FNIP1: variants seen among roughly 807,000 people sequenced by gnomAD.
The protein encoded by FNIP1 is folliculin-interacting protein 1.
FNIP1 carries 40 observed loss-of-function variants against 124.5 expected under a neutral mutation model. That is an observed-to-expected ratio of 0.32 (90% CI 0.25 to 0.42). FNIP1 has a LOEUF of 0.42. FNIP1 is among the 10% of genes least tolerant of loss of function. The pLI is 1.00. For missense variants in FNIP1, 1,176 were observed against 1,403.7 expected (o/e 0.84, Z 2.59); for synonymous variants, 472 against 470.6 (o/e 1.00, Z -0.04).
intron 3 of FNIP1, among the ~76,000 whole-genome samples, chr5:131,720,772 G>A (rs1769629911): frequency 6.6e-6 from 1 of 152,176 alleles, no homozygotes; most frequent in South Asian, 2.1e-4. Context: ...TCTAATCAGA[G>A]AAATGTAAAT....
At chr5:131,715,355 G>A (rs1454891703) in intron 6 of FNIP1, among the ~76,000 whole-genome samples, 4 of 152,164 alleles carry the variant, frequency 2.6e-5, no homozygotes, top group South Asian at 2.1e-4. Flanking sequence ...GTGTGATGGC[G>A]CGTGCCTGCA....
intron 10 of FNIP1, among the ~76,000 whole-genome samples, chr5:131,701,871 A>AT (rs1315108350): frequency 5.3e-5 from 8 of 152,150 alleles, no homozygotes; most frequent in Non-Finnish European, 1.0e-4. Flanking sequence ...AGCACGCTAC[A>AT]TTTTTTGTCA....
intron 11 of FNIP1, among the ~76,000 whole-genome samples, chr5:131,696,076 T>C (rs1047362109): frequency 2.6e-5 from 4 of 152,168 alleles, no homozygotes; most frequent in Non-Finnish European, 5.9e-5. Flanking sequence ...TCAAAGAAAT[T>C]GTCATCTCAA....
intron 10 of FNIP1, among the ~76,000 whole-genome samples, chr5:131,703,708 G>A (rs554209613): frequency 1.3e-4 from 20 of 152,192 alleles, no homozygotes; most frequent in Non-Finnish European, 7.4e-5. Flanking sequence ...CTTATATACC[G>A]TTCTCCGTTT....
At chr5:131,718,486 C>T (rs184607701) in intron 5 of FNIP1, among the ~76,000 whole-genome samples, 8 of 152,344 alleles carry the variant, frequency 5.3e-5, no homozygotes, top group African/African-American at 1.9e-4. Context: ...GCACATGGCC[C>T]ATGATCCTGA....
rs1182367992 is a variant in FNIP1, at chr5:131,647,263, T to C, written c.3307-58A>G. 9.8e-6 allele frequency: 12 copies of C among 1,221,178 alleles called. No individual in the cohort carries two copies. In the East Asian group the frequency reaches 1.2e-4, roughly 12 times the overall value. 75.6% of individuals were successfully genotyped at this position (1,221,178 alleles called of 1,614,324 possible). A position where few individuals can be genotyped will look rare whatever the true frequency, so the allele number is the denominator to read the frequency against. On this transcript the variant is annotated intron_variant, in intron 16 of 17. Transcript: ENST00000510461. ...GAAAACAGTTTGCAACTCTCAGTCATGGCAAACTCCAAAACATAATGTTTT... is the reference window on the plus strand; with the variant it reads ...GAAAACAGTTTGCAACTCTCAGTCACGGCAAACTCCAAAACATAATGTTTT...
Position 131,672,179 on chromosome 5 carries a change from A to C in FNIP1, c.2265T>G (p.Ile755Met). 1.9e-6 allele frequency: 3 copies of C among 1,614,214 alleles called. No homozygotes were observed. The highest frequency in any genetic ancestry group is 2.5e-6 in the Non-Finnish European group (3 of 1,180,028). Residue 755 changes from isoleucine (I) to methionine (M), a missense_variant, in exon 14 of 18, where the codon ATT becomes ATG. Coordinates refer to ENST00000510461, the MANE Select transcript of FNIP1 (RefSeq NM_133372.3). ...EAAQTKVTFL[I>M]GDSMSPDSDT... The stretch of plus-strand genomic sequence containing the variant: ...CTGAATCAGGTGACATAGAATCCCC[A>C]ATCAGGAAAGTAACCTTTGTCTGGG...
intron 2 of FNIP1, among the ~76,000 whole-genome samples, chr5:131,732,260 C>T (rs900321293): frequency 1.3e-5 from 2 of 152,182 alleles, no homozygotes; most frequent in Admixed American, 6.6e-5. Flanking sequence ...TTACTGAAGA[C>T]TGAATGTTTT....
At chr5:131,693,311 T>TAC (rs763589403) in intron 11 of FNIP1, among the ~76,000 whole-genome samples, 6,717 of 60,534 alleles carry the variant, frequency 0.11, 774 homozygotes, top group Non-Finnish European at 0.17. Context: ...TATATATATA[T>TAC]ATATACACAT....
chr5:131,699,446 T>C (rs377482154), intron 10 of FNIP1, among the ~76,000 whole-genome samples: 9 of 147,858 alleles, frequency 6.1e-5, no homozygotes, highest in African/African-American at 2.0e-4. Flanking sequence ...TAGGCTGGAG[T>C]GCAATGGCGC....
intron 9 of FNIP1, among the ~76,000 whole-genome samples, chr5:131,705,749 T>C (rs1362743167): frequency 6.6e-6 from 1 of 152,088 alleles, no homozygotes; most frequent in East Asian, 1.9e-4. Flanking sequence ...TCTGGATATA[T>C]AACCAAAAGT....
chr5:131,786,791 G>A (rs556917626), intron 1 of FNIP1, among the ~76,000 whole-genome samples: 3 of 152,210 alleles, frequency 2.0e-5, no homozygotes, highest in African/African-American at 4.8e-5. Context: ...CTTTTTCCAC[G>A]GGATCACCAG....
intron 1 of FNIP1, among the ~76,000 whole-genome samples, chr5:131,777,332 C>G (rs937127153): frequency 1.3e-5 from 2 of 151,454 alleles, no homozygotes; most frequent in East Asian, 3.9e-4. Context: ...TAATGATGAC[C>G]AGTGACAATG....
intron 1 of FNIP1, among the ~76,000 whole-genome samples, chr5:131,783,525 G>C (rs571208680): frequency 1.3e-5 from 2 of 150,114 alleles, no homozygotes; most frequent in Admixed American, 1.3e-4. Context: ...GTTCTAAAAA[G>C]AAGTGATGCA....
intron 1 of FNIP1, among the ~76,000 whole-genome samples, chr5:131,755,962 T>A (rs1474296114): frequency 6.6e-6 from 1 of 151,524 alleles, no homozygotes; most frequent in African/African-American, 2.4e-5. Context: ...TGAGCCGAGA[T>A]TGAGATTGTA....
chr5:131,779,507 A>T (rs994509967), intron 1 of FNIP1, among the ~76,000 whole-genome samples: 1 of 149,100 alleles, frequency 6.7e-6, no homozygotes, highest in Non-Finnish European at 1.5e-5. Flanking sequence ...GTGAAACCCC[A>T]CTTCTAGTTA....
At chr5:131,755,096 C>G (rs1452425869) in intron 1 of FNIP1, among the ~76,000 whole-genome samples, 1 of 152,070 alleles carries the variant, frequency 6.6e-6, no homozygotes, top group African/African-American at 2.4e-5. Context: ...TGCGAGACAG[C>G]TGAAGAAAAG....
intron 1 of FNIP1, among the ~76,000 whole-genome samples, chr5:131,773,139 A>G (rs1771696985): frequency 6.6e-6 from 1 of 152,122 alleles, no homozygotes; most frequent in Admixed American, 6.6e-5. Flanking sequence ...TCCAATGTAT[A>G]CTAAATTTAG....
intron 17 of FNIP1, 23 bp from the exon 18 acceptor site, chr5:131,644,786 G>C: frequency 2.5e-6 from 4 of 1,611,032 alleles, no homozygotes; most frequent in Non-Finnish European, 3.4e-6. Context: ...GGAAAAAAAT[G>C]TCAGTTTTGA....
Sources: gnomAD v4.1 joint callset for allele counts (sites outside exome capture counted in the v4.1 genomes callset) on GRCh38, gnomAD v4.1.1 for gene constraint, MANE v1.5 for transcripts, NCBI Gene and HGNC (gene_info 2026-07-23, HGNC 2026-07-21) for gene names.